LAMA4: variants seen among roughly 807,000 people sequenced by gnomAD.
The protein encoded by LAMA4 is laminin subunit alpha 4.
A neutral mutation model predicts 207.1 loss-of-function variants in LAMA4; 127 were observed. The observed-to-expected ratio is 0.61, with a 90% confidence interval of 0.53 to 0.71. The LOEUF (loss-of-function observed/expected upper bound fraction) is 0.71, where lower values mean the gene tolerates loss of function less well. Ranked by LOEUF, LAMA4 falls within the 30% of genes least tolerant of loss-of-function variation. The pLI is 0.00. For missense variants in LAMA4, 2,093 were observed against 2,246.5 expected, an observed-to-expected ratio of 0.93 and a Z score of 1.38; for synonymous variants, 761 against 816.0, an observed-to-expected ratio of 0.93 and a Z score of 1.15.
chr6:112,241,140 T>TATATATATAA (rs1554187579), intron 2 of LAMA4, among the ~76,000 whole-genome samples: 1 of 68,410 alleles, frequency 1.5e-5, no homozygotes, highest in African/African-American at 4.9e-5. Context: ...TATATAGGAA[T>TATATATATAA]ATATATATGA....
At chr6:112,193,975 A>ACCT (rs1212416507) in intron 5 of LAMA4, among the ~76,000 whole-genome samples, 47 of 152,376 alleles carry the variant, frequency 3.1e-4, no homozygotes, top group Admixed American at 2.7e-3. Flanking sequence ...TGAACTCTAG[A>ACCT]AATCTGGTCT....
In LAMA4 at chr6:112,114,675, G is replaced by A. The variant is rs2114556643; in HGVS notation, c.5194C>T (p.His1732Tyr). ...TCAGTTTTCTCACCTGTAATTCTGT[G>A]CCATCTGCCATCACAGAGACTCTGC... The part of the protein sequence containing the change: ...PKQSLCDGRW[H>Y]RITVIRDSNV... The change falls in exon 37 of 39, where the codon CAC (histidine) becomes TAC (tyrosine). Residue 1732 changes from histidine to tyrosine, a missense_variant. By Grantham distance (83) the His-to-Tyr change is moderately conservative (BLOSUM62 2). This residue lies in a region of LAMA4 where 383 missense variants were observed against 437.8 expected (regional missense o/e 0.87). Coordinates refer to ENST00000230538, the MANE Select transcript of LAMA4 (RefSeq NM_001105206.3). 5.6e-6 allele frequency: 9 copies of A among 1,611,172 alleles called. No homozygotes were observed. The Middle Eastern group carries it at 5.0e-4, about 89-fold the overall frequency.
rs587730298 is a variant in LAMA4 at position 112,117,714 on chromosome 6, A to C, written c.4981+25T>G. 5.6e-6 allele frequency: 9 copies of C among 1,607,392 alleles called. No homozygotes were observed. Among genetic ancestry groups the C allele is most frequent in the Non-Finnish European group, 7.7e-6 (9 of 1,174,740 alleles). On this transcript the variant is annotated intron_variant, in intron 35 of 38. Transcript: ENST00000230538. The surrounding 1 kb of genome is among the most constrained non-coding windows in gnomAD (Gnocchi z 4.5). The stretch of plus-strand genomic sequence containing the variant: ...TCCAGGAAGAAGCATTTCATGACTC[A>C]TATTTTTAACATGACTAATGTTACC...
At chr6:112,138,031 T>A (rs1779459182) in intron 24 of LAMA4, among the ~76,000 whole-genome samples, 1 of 152,162 alleles carries the variant, frequency 6.6e-6, no homozygotes, top group African/African-American at 2.4e-5. Flanking sequence ...TTTTCTATTG[T>A]TGCTTTTGTT....
At chr6:112,152,351 C>T (rs527467483) in intron 16 of LAMA4, among the ~76,000 whole-genome samples, 4 of 152,114 alleles carry the variant, frequency 2.6e-5, no homozygotes, top group African/African-American at 9.6e-5. Flanking sequence ...ACAGTTCTAT[C>T]AGATTTTGTA....
intron 2 of LAMA4, among the ~76,000 whole-genome samples, chr6:112,249,943 G>C (rs546598184): frequency 1.3e-5 from 2 of 152,248 alleles, no homozygotes; most frequent in Non-Finnish European, 2.9e-5. Context: ...TAGAATGTTA[G>C]TACATTGTTC....
intron 5 of LAMA4, among the ~76,000 whole-genome samples, chr6:112,192,149 T>C (rs1783157878): frequency 6.6e-6 from 1 of 152,206 alleles, no homozygotes; most frequent in Admixed American, 6.5e-5. Flanking sequence ...AAATGATATA[T>C]GATGGGTGGG....
At chr6:112,235,879 C>G (rs1015263132) in intron 2 of LAMA4, among the ~76,000 whole-genome samples, 6 of 152,092 alleles carry the variant, frequency 3.9e-5, no homozygotes, top group Non-Finnish European at 4.4e-5. Context: ...AAATGGGATG[C>G]ATGATTTGGT....
intron 5 of LAMA4, among the ~76,000 whole-genome samples, chr6:112,196,024 A>AT (rs1259334639): frequency 2.6e-5 from 4 of 151,516 alleles, no homozygotes; most frequent in Non-Finnish European, 5.9e-5. Flanking sequence ...TTGGGCAAGG[A>AT]TTTTTTTCCC....
chr6:112,221,949 T>C (rs1345715922), intron 2 of LAMA4, among the ~76,000 whole-genome samples: 2 of 152,224 alleles, frequency 1.3e-5, no homozygotes, highest in Non-Finnish European at 1.5e-5. Flanking sequence ...TTTTTTTCTG[T>C]GTCAGTAAAA....
intron 31 of LAMA4, among the ~76,000 whole-genome samples, chr6:112,128,464 T>G (rs1372720228): frequency 1.3e-5 from 2 of 152,134 alleles, no homozygotes; most frequent in Non-Finnish European, 2.9e-5. Context: ...GGTTGGTTAA[T>G]GTGTACCAAA....
At chr6:112,183,585 G>T (rs1782491841) in intron 9 of LAMA4, among the ~76,000 whole-genome samples, 1 of 152,128 alleles carries the variant, frequency 6.6e-6, no homozygotes, top group African/African-American at 2.4e-5. Context: ...CAGGAATTCT[G>T]CCTGGGCTGT....
intron 14 of LAMA4, 55 bp from the exon 15 acceptor site, chr6:112,155,761 C>T: frequency 2.5e-6 from 4 of 1,579,338 alleles, no homozygotes; most frequent in Non-Finnish European, 3.5e-6. Flanking sequence ...GGGAATGGGG[C>T]CATGTTTAAT....
rs1778924753 is a variant in LAMA4 at position 112,129,873 on chromosome 6, T to C, written c.4133+3A>G. ...AGATTCATTAATAATAAAAATATTATACCTGGTAAAGTAGGCATTACTTAT... is the reference window on the plus strand; with the variant it reads ...AGATTCATTAATAATAAAAATATTACACCTGGTAAAGTAGGCATTACTTAT... On this transcript the variant is annotated splice_donor_region_variant and intron_variant, in intron 30 of 38. Transcript: ENST00000230538. The C allele has an allele frequency of 6.4e-7, 1 of 1,567,038 alleles. No homozygotes were observed. Among genetic ancestry groups the C allele is most frequent in the South Asian group, 1.1e-5 (1 of 87,582 alleles).
In LAMA4 at chr6:112,108,698, G is replaced by T. The variant is rs769754588; in HGVS notation, c.*739C>A. The T allele has an allele frequency of 7.2e-5, 11 of 152,132 alleles. No individual in the cohort carries two copies. The highest frequency in any genetic ancestry group is 1.5e-4 in the Non-Finnish European group (10 of 68,028). The allele number at this position is 152,132 out of a possible 1,614,324, so 9.4% of individuals were successfully genotyped here. A position where few individuals can be genotyped will look rare whatever the true frequency, so the allele number is the denominator to read the frequency against. ...GATTTTGTCCTACTGTTTTTGCTGT[G>T]ATATCCTCAATGATTCCCATAGAAC... On this transcript the variant is annotated 3_prime_UTR_variant, in exon 39 of 39. Coordinates refer to ENST00000230538, the MANE Select transcript of LAMA4 (RefSeq NM_001105206.3).
At chr6:112,217,560 T>G (rs1784699611) in intron 2 of LAMA4, 1 of 152,148 alleles carries the variant, frequency 6.6e-6, no homozygotes, top group South Asian at 2.1e-4. Flanking sequence ...GCAAACCTAT[T>G]TCCCCTTGCT....
At chr6:112,163,581 G>C (rs369921183) in intron 13 of LAMA4, among the ~76,000 whole-genome samples, 4 of 152,124 alleles carry the variant, frequency 2.6e-5, no homozygotes, top group African/African-American at 9.6e-5. Context: ...CTGGTGACCT[G>C]GACAGGAACA....
intron 31 of LAMA4, among the ~76,000 whole-genome samples, chr6:112,124,082 G>T (rs1374952007): frequency 6.6e-6 from 1 of 152,150 alleles, no homozygotes; most frequent in Non-Finnish European, 1.5e-5. Flanking sequence ...TACACTTTAT[G>T]ATAGGAGATA....
intron 3 of LAMA4, among the ~76,000 whole-genome samples, chr6:112,214,725 A>G (rs1470733819): frequency 1.3e-5 from 2 of 152,218 alleles, no homozygotes; most frequent in Non-Finnish European, 2.9e-5. Context: ...CTGAGTGCAC[A>G]TGTAAATGTG....
Sources: allele counts gnomAD v4.1 joint callset (sites outside exome capture counted in the v4.1 genomes callset), GRCh38; gene constraint gnomAD v4.1.1; regional missense constraint gnomAD v4.1.1; non-coding constraint Gnocchi (gnomAD v3.1); transcripts MANE v1.5; gene names NCBI Gene and HGNC (gene_info 2026-07-23, HGNC 2026-07-21).